Variants in NPAS3 observed in about 807,000 individuals in gnomAD.
The protein encoded by NPAS3 is neuronal PAS domain protein 3, also known as neuronal PAS domain-containing protein 3.
A neutral mutation model predicts 73.1 loss-of-function variants in NPAS3; 14 were observed. The observed-to-expected ratio is 0.19, with a 90% CI of 0.13 to 0.30. The LOEUF is 0.30. Ranked by LOEUF, NPAS3 falls within the 10% of genes least tolerant of loss-of-function variation. The pLI, the probability that NPAS3 is intolerant of heterozygous loss-of-function variation, is 1.00. For synonymous variants in NPAS3, 620 were observed against 541.5 expected (o/e 1.14, Z -2.01); for missense variants, 1,096 against 1,250.0 (o/e 0.88, Z 1.86).
At chr14:33,393,734 T>C (rs144230028) in intron 4 of NPAS3, among the ~76,000 whole-genome samples, 1 of 152,282 alleles carries the variant, frequency 6.6e-6, no homozygotes, top group East Asian at 1.9e-4. Flanking sequence ...GTTCATGATA[T>C]ATGATACTGC....
intron 4 of NPAS3, among the ~76,000 whole-genome samples, chr14:33,453,903 C>T (rs1166580381): frequency 2.0e-5 from 3 of 152,136 alleles, no homozygotes; most frequent in African/African-American, 4.8e-5. Flanking sequence ...TTAGCCAGGC[C>T]GGTCTCAAAC....
chr14:33,408,084 A>C (rs980173819), intron 4 of NPAS3, among the ~76,000 whole-genome samples: 1 of 152,178 alleles, frequency 6.6e-6, no homozygotes, highest in South Asian at 2.1e-4. Flanking sequence ...TCACTTTGGA[A>C]GTACAATTCT....
chr14:32,948,791 A>G (rs2036368572), intron 1 of NPAS3, among the ~76,000 whole-genome samples: 1 of 151,952 alleles, frequency 6.6e-6, no homozygotes, highest in Non-Finnish European at 1.5e-5. Flanking sequence ...TCCATTCCTC[A>G]TATATATCGA....
At chr14:33,462,501 A>G (rs2050318225) in intron 4 of NPAS3, among the ~76,000 whole-genome samples, 1 of 152,192 alleles carries the variant, frequency 6.6e-6, no homozygotes, top group Admixed American at 6.5e-5. Context: ...TCTTCATGAC[A>G]TAGACGGCGA....
chr14:33,627,482 A>G (rs553762918), intron 5 of NPAS3, among the ~76,000 whole-genome samples: 7 of 152,314 alleles, frequency 4.6e-5, no homozygotes, highest in East Asian at 1.9e-4. Flanking sequence ...ACTACAGCAT[A>G]GACCCCAACT....
At chr14:33,213,029 A>T (rs1566683582) in intron 2 of NPAS3, among the ~76,000 whole-genome samples, 1 of 152,182 alleles carries the variant, frequency 6.6e-6, no homozygotes, top group East Asian at 1.9e-4. Flanking sequence ...AAAAGTTCAG[A>T]TGTTGTCCTC....
At chr14:33,322,559 A>AT (rs1388894348) in intron 3 of NPAS3, among the ~76,000 whole-genome samples, 7 of 151,574 alleles carry the variant, frequency 4.6e-5, no homozygotes, top group Non-Finnish European at 4.4e-5. Context: ...TTTAAGCAAA[A>AT]TTTTAAAGAA....
At chr14:33,336,241 T>C (rs917142864) in intron 3 of NPAS3, among the ~76,000 whole-genome samples, 2 of 152,228 alleles carry the variant, frequency 1.3e-5, no homozygotes, top group Admixed American at 1.3e-4. Flanking sequence ...TTTCCATGGG[T>C]TAGGAATCTG....
At chr14:33,198,244 A>G (rs1215339485) in intron 2 of NPAS3, among the ~76,000 whole-genome samples, 1 of 152,130 alleles carries the variant, frequency 6.6e-6, no homozygotes. Flanking sequence ...ACAGCATGGA[A>G]GGGGACCCAA....
chr14:33,479,916 A>T (rs974063874), intron 4 of NPAS3, among the ~76,000 whole-genome samples: 9 of 146,336 alleles, frequency 6.2e-5, no homozygotes, highest in African/African-American at 2.3e-4. Flanking sequence ...TTAGAGAATT[A>T]AAAAAAAAAG....
At chr14:32,946,362 A>G (rs1021482848) in intron 1 of NPAS3, among the ~76,000 whole-genome samples, 3 of 151,462 alleles carry the variant, frequency 2.0e-5, no homozygotes, top group Admixed American at 6.6e-5. Context: ...ACACACACAC[A>G]CACACACACA....
chr14:33,250,670 A>G (rs756653560), intron 3 of NPAS3, among the ~76,000 whole-genome samples: 9 of 152,094 alleles, frequency 5.9e-5, no homozygotes, highest in Non-Finnish European at 1.0e-4. Flanking sequence ...AAAATTGGTA[A>G]TTATTCATGC....
chr14:33,529,233 T>G (rs2053934842), intron 4 of NPAS3, among the ~76,000 whole-genome samples: 1 of 152,132 alleles, frequency 6.6e-6, no homozygotes, highest in South Asian at 2.1e-4. Flanking sequence ...CAAGGTAGCT[T>G]AGTTTACTCA....
intron 5 of NPAS3, among the ~76,000 whole-genome samples, chr14:33,606,634 A>G (rs2057576244): frequency 6.6e-6 from 1 of 152,232 alleles, no homozygotes; most frequent in African/African-American, 2.4e-5. Context: ...ACCTAAAACT[A>G]TAAAGCTTCT....
At chr14:33,613,970 A>G (rs1052172308) in intron 5 of NPAS3, among the ~76,000 whole-genome samples, 6 of 152,120 alleles carry the variant, frequency 3.9e-5, no homozygotes, top group African/African-American at 1.4e-4. Context: ...CCGGAAACTC[A>G]CCATGTCCCC....
At chr14:33,662,509 GA>G (rs2059336160) in intron 5 of NPAS3, among the ~76,000 whole-genome samples, 1 of 152,146 alleles carries the variant, frequency 6.6e-6, no homozygotes, top group Non-Finnish European at 1.5e-5. Context: ...GCTTGATGGG[GA>G]TAGCATTGAA....
intron 5 of NPAS3, among the ~76,000 whole-genome samples, chr14:33,668,234 G>GACTCA (rs2059510697): frequency 6.6e-6 from 1 of 152,134 alleles, no homozygotes; most frequent in Non-Finnish European, 1.5e-5. Flanking sequence ...TAAACATTGT[G>GACTCA]ACTCAACTCC....
chr14:33,143,612 A>G (rs946053666), intron 2 of NPAS3, among the ~76,000 whole-genome samples: 1 of 152,248 alleles, frequency 6.6e-6, no homozygotes, highest in African/African-American at 2.4e-5. Flanking sequence ...TGAACAATTT[A>G]GTGGCATTAG....
Position 33,196,480 on chromosome 14 carries a change from A to G in NPAS3, c.141-18702A>G, listed in dbSNP as rs140290985. 1.5e-3 allele frequency among the ~76,000 whole-genome samples: 221 copies of G among 152,288 alleles called. 4 individuals are homozygous for G. Among genetic ancestry groups the G allele is most frequent in the African/African-American group, 4.9e-3 (203 of 41,562 alleles). On this transcript the variant is annotated intron_variant, in intron 2 of 11. Coordinates refer to ENST00000356141, the Ensembl canonical transcript of NPAS3. ...GTAGTAGAGCTTCCTTGTCACTGAC[A>G]TGTTTCTGTATGCCTTCTGGCTCAT...
Sources: allele counts gnomAD v4.1 joint callset (sites outside exome capture counted in the v4.1 genomes callset), GRCh38; gene constraint gnomAD v4.1.1; transcripts MANE v1.5; gene names NCBI Gene and HGNC (gene_info 2026-07-23, HGNC 2026-07-21).